The following LOC101059915 variants were observed in gnomAD, a reference collection of about 807,000 sequenced individuals.
the LOC101059915 span, chrX:71,667,647 C>T: frequency 2.1e-6 from 1 of 477,940 alleles, no homozygotes; most frequent in African/African-American, 2.5e-5. Flanking sequence ...TTCCTGTGGC[C>T]CCAGAGCACC....
the LOC101059915 span, chrX:71,668,391 C>T: frequency 3.5e-6 from 4 of 1,151,374 alleles, no homozygotes; most frequent in East Asian, 3.3e-5. Flanking sequence ...AGCAGCCCTC[C>T]GCGGAAGGCC....
chrX:71,667,828 G>A, the LOC101059915 span: 15 of 1,073,597 alleles, frequency 1.4e-5, no homozygotes, highest in African/African-American at 9.6e-5. Flanking sequence ...TGAAGTGTCC[G>A]TTTGCAGGGC....
chrX:71,670,224 C>T, the LOC101059915 span: 6 of 1,165,082 alleles, frequency 5.1e-6, no homozygotes, highest in African/African-American at 1.8e-5. Flanking sequence ...CCTCACTGGG[C>T]GGCTTGGAAG....
the LOC101059915 span, chrX:71,670,305 C>T: frequency 8.9e-5 from 104 of 1,164,126 alleles, no homozygotes; most frequent in South Asian, 1.1e-3. Flanking sequence ...AAGGCAGCAG[C>T]AGCCCCCGGG....
At chrX:71,669,832 C>G in the LOC101059915 span, 558 of 722,826 alleles carry the variant, frequency 7.7e-4, 5 homozygotes, top group African/African-American at 0.011. Flanking sequence ...ACCCAGGCAG[C>G]TGTCCCACAG....
chrX:71,669,769 C>T, the LOC101059915 span: 1 of 943,312 alleles, frequency 1.1e-6, no homozygotes, highest in East Asian at 4.1e-5. Context: ...GGAGGGAAAC[C>T]TCTGGCTCTG....
chrX:71,668,418 T>A, the LOC101059915 span: 1 of 1,161,215 alleles, frequency 8.6e-7, no homozygotes, highest in South Asian at 1.9e-5. Flanking sequence ...GGCTGAATAC[T>A]GACGACTCTG....
the LOC101059915 span, chrX:71,667,756 C>G: frequency 2.0e-6 from 2 of 1,009,783 alleles, no homozygotes; most frequent in Non-Finnish European, 2.5e-6. Flanking sequence ...CCACTGTTAC[C>G]AGGACGACTG....
the LOC101059915 span, chrX:71,669,106 T>A: frequency 3.4e-4 from 366 of 1,085,606 alleles, no homozygotes; most frequent in African/African-American, 5.5e-3. Context: ...TTCTCCTCTG[T>A]CTCCCCCCAC....
chrX:71,670,651 C>G, the LOC101059915 span: 12 of 1,111,409 alleles, frequency 1.1e-5, no homozygotes, highest in African/African-American at 1.9e-5. Flanking sequence ...CCTTAGAGAC[C>G]AACTAGGTAT....
At chrX:71,668,485 G>A in the LOC101059915 span, 1 of 1,153,193 alleles carries the variant, frequency 8.7e-7, no homozygotes, top group Non-Finnish European at 1.2e-6. Context: ...TAGCACCAAA[G>A]AAGGAAGCCA....
chrX:71,670,490 C>A, the LOC101059915 span: 1 of 1,072,564 alleles, frequency 9.3e-7, no homozygotes, highest in Non-Finnish European at 1.2e-6. Context: ...TTGTGCCAAT[C>A]CACCTCACCA....
the LOC101059915 span, chrX:71,668,105 ACTC>A: frequency 4.4e-6 from 5 of 1,139,554 alleles, no homozygotes; most frequent in South Asian, 8.5e-5. Flanking sequence ...GGTGGGGACT[ACTC>A]TTTCTACCTG....
the LOC101059915 span, chrX:71,668,593 AT>A: frequency 9.1e-6 from 10 of 1,097,478 alleles, no homozygotes; most frequent in Non-Finnish European, 1.2e-5. Context: ...ACCTCTCCTG[AT>A]CTCTCCTCCC....
the LOC101059915 span, chrX:71,668,082 C>T: frequency 1.5e-5 from 17 of 1,150,513 alleles, no homozygotes; most frequent in Non-Finnish European, 1.7e-5. Flanking sequence ...CCCCGGTCGA[C>T]GACCAAGCGG....
At chrX:71,669,091 CCTCTTT>C in the LOC101059915 span, 3 of 1,104,439 alleles carry the variant, frequency 2.7e-6, no homozygotes, top group Non-Finnish European at 3.6e-6. Flanking sequence ...CTCTCCTCTT[CCTCTTT>C]CTCCTCTGTC....
At chrX:71,668,824 T>C in the LOC101059915 span, 11 of 1,082,549 alleles carry the variant, frequency 1.0e-5, no homozygotes, top group Non-Finnish European at 1.2e-5. Flanking sequence ...GCGGGGAGCC[T>C]TTCCTGCCTG....
At chrX:71,670,571 T>A in the LOC101059915 span, 1 of 1,097,434 alleles carries the variant, frequency 9.1e-7, no homozygotes, top group Non-Finnish European at 1.2e-6. Flanking sequence ...GAAGCCAGAA[T>A]TGACTAACCA....
the LOC101059915 span, chrX:71,667,900 C>T: frequency 8.9e-6 from 10 of 1,121,399 alleles, no homozygotes; most frequent in East Asian, 1.0e-4. Flanking sequence ...GGGAGCCCCA[C>T]GGGGTGACGG....
Sources: gnomAD v4.1 joint callset for allele counts on GRCh38, gnomAD v4.1.1 for gene constraint, MANE v1.5 for transcripts.